The following KCNB2 variants were observed in gnomAD, a reference collection of about 807,000 sequenced individuals.
KCNB2 encodes potassium voltage-gated channel subfamily B member 2.
A neutral mutation model predicts 61.5 loss-of-function variants in KCNB2; 15 were observed. The ratio of observed to expected loss-of-function variants is 0.24; its 90% CI spans 0.16 to 0.38. The LOEUF (loss-of-function observed/expected upper bound fraction) is 0.38. Among genes scored for constraint, KCNB2 ranks in the 10% least tolerant of loss-of-function variants. KCNB2 has a pLI of 1.00. For synonymous variants in KCNB2, 457 were observed against 446.0 expected, an observed-to-expected ratio of 1.02 and a Z score of -0.31; for missense variants, 828 against 1,125.2, an observed-to-expected ratio of 0.74 and a Z score of 3.78.
intron 2 of KCNB2, among the ~76,000 whole-genome samples, chr8:72,786,131 A>G (rs1808842646): frequency 6.6e-6 from 1 of 152,030 alleles, no homozygotes; most frequent in African/African-American, 2.4e-5. Context: ...TTATAAAATT[A>G]TAAATTATAC....
chr8:72,638,683 A>G (rs1806007218), intron 2 of KCNB2, among the ~76,000 whole-genome samples: 1 of 152,114 alleles, frequency 6.6e-6, no homozygotes, highest in Non-Finnish European at 1.5e-5. Context: ...AGTCTCAATC[A>G]AGTCCTACTC....
At chr8:72,824,456 C>T (rs2129001363) in intron 2 of KCNB2, among the ~76,000 whole-genome samples, 1 of 152,188 alleles carries the variant, frequency 6.6e-6, no homozygotes, top group East Asian at 1.9e-4. Context: ...TCCCTCACCT[C>T]CCAGGCATCT....
At chr8:72,706,271 C>T (rs1807222029) in intron 2 of KCNB2, among the ~76,000 whole-genome samples, 1 of 152,136 alleles carries the variant, frequency 6.6e-6, no homozygotes, top group Non-Finnish European at 1.5e-5. Context: ...ATAATTGCTA[C>T]AAATAATTGT....
At chr8:72,852,737 C>T (rs182487056) in intron 2 of KCNB2, among the ~76,000 whole-genome samples, 1 of 68,248 alleles carries the variant, frequency 1.5e-5, no homozygotes, top group Admixed American at 1.6e-4. Context: ...TAACAGTGAG[C>T]AAGTACTGAA....
At chr8:72,824,092 G>A (rs769559138) in intron 2 of KCNB2, among the ~76,000 whole-genome samples, 1 of 152,114 alleles carries the variant, frequency 6.6e-6, no homozygotes, top group Admixed American at 6.5e-5. Context: ...CACTCAGAGG[G>A]AGCTATTTCA....
At chr8:72,543,987 T>G (rs780938011) in intron 1 of KCNB2, among the ~76,000 whole-genome samples, 1 of 152,184 alleles carries the variant, frequency 6.6e-6, no homozygotes, top group Non-Finnish European at 1.5e-5. Context: ...AATCAAACTA[T>G]GTAGTTTGCT....
intron 2 of KCNB2, among the ~76,000 whole-genome samples, chr8:72,882,428 C>CT (rs1176104120): frequency 1.3e-5 from 2 of 151,966 alleles, no homozygotes; most frequent in African/African-American, 4.8e-5. Flanking sequence ...TGCCATGGCT[C>CT]TTTCCAGCTC....
chr8:72,651,346 A>C (rs1354665608), intron 2 of KCNB2, among the ~76,000 whole-genome samples: 1 of 152,204 alleles, frequency 6.6e-6, no homozygotes, highest in African/African-American at 2.4e-5. Context: ...ACAGAGGAAT[A>C]ATAAGCAATT....
chr8:72,731,967 G>A (rs956320713), intron 2 of KCNB2: 4 of 152,178 alleles, frequency 2.6e-5, no homozygotes, highest in African/African-American at 9.7e-5. Context: ...GCACCCATGA[G>A]TTTAGCTAAT....
chr8:72,783,923 G>T (rs1210411950), intron 2 of KCNB2, among the ~76,000 whole-genome samples: 1 of 151,974 alleles, frequency 6.6e-6, no homozygotes, highest in Non-Finnish European at 1.5e-5. Flanking sequence ...GTTGTTTTCT[G>T]GTTAAATCCT....
At chr8:72,712,044 T>C (rs922684200) in intron 2 of KCNB2, among the ~76,000 whole-genome samples, 2 of 152,198 alleles carry the variant, frequency 1.3e-5, no homozygotes, top group Admixed American at 6.5e-5. Context: ...GATTACTTAT[T>C]TAATATGTTA....
At chr8:72,540,896 T>C (rs1806179675) in intron 1 of KCNB2, among the ~76,000 whole-genome samples, 1 of 152,022 alleles carries the variant, frequency 6.6e-6, no homozygotes, top group Admixed American at 6.6e-5. Flanking sequence ...AATTCATTTA[T>C]TACTTACTAA....
intron 2 of KCNB2, among the ~76,000 whole-genome samples, chr8:72,766,844 C>T (rs1335580329): frequency 6.6e-6 from 1 of 152,002 alleles, no homozygotes; most frequent in African/African-American, 2.4e-5. Context: ...ATTTTCATGC[C>T]ATTGATAAAG....
intron 2 of KCNB2, among the ~76,000 whole-genome samples, chr8:72,707,634 A>G (rs962079555): frequency 6.6e-6 from 1 of 152,200 alleles, no homozygotes; most frequent in African/African-American, 2.4e-5. Context: ...TTCAACACCC[A>G]TAAAGAGGCT....
chr8:72,627,976 C>T (rs1267476138), intron 2 of KCNB2, among the ~76,000 whole-genome samples: 1 of 151,686 alleles, frequency 6.6e-6, no homozygotes, highest in Non-Finnish European at 1.5e-5. Flanking sequence ...TTCTTTGAGA[C>T]AGAGTCTTGC....
rs757776992 is a variant in KCNB2 at position 72,937,008 on chromosome 8, G to A, written c.1653G>A (p.Gln551=). 1 of 1,614,146 alleles carries A rather than the reference G, an allele frequency of 6.2e-7. No individual in the cohort carries two copies. Among genetic ancestry groups the A allele is most frequent in the East Asian group, 2.2e-5 (1 of 44,874 alleles). The change falls in exon 3 of 3, where the codon CAG becomes CAA. Residue 551 remains glutamine, a synonymous_variant. Coordinates refer to ENST00000523207, the MANE Select transcript of KCNB2 (RefSeq NM_004770.3). ...EMLYNEITKT[Q]PHSHPNPDCQ... Reference sequence around the variant, plus strand: ...TATACAATGAAATCACCAAGACACAGCCTCATTCTCACCCAAACCCAGACT... The same window carrying A: ...TATACAATGAAATCACCAAGACACAACCTCATTCTCACCCAAACCCAGACT...
At chr8:72,585,058 G>T (rs1348634679) in intron 2 of KCNB2, among the ~76,000 whole-genome samples, 7 of 152,172 alleles carry the variant, frequency 4.6e-5, no homozygotes, top group African/African-American at 1.4e-4. Context: ...CTAAGGTAGG[G>T]TGGTCATGAT....
chr8:72,624,527 T>G (rs7815263), intron 2 of KCNB2, among the ~76,000 whole-genome samples: 30,379 of 150,028 alleles, frequency 0.2, 3,485 homozygotes, highest in East Asian at 0.51. Flanking sequence ...GAGATATGGG[T>G]TTTTTTTTTC....
intron 2 of KCNB2, among the ~76,000 whole-genome samples, chr8:72,772,491 C>T (rs1363237643): frequency 1.3e-5 from 2 of 152,138 alleles, no homozygotes; most frequent in African/African-American, 2.4e-5. Flanking sequence ...TGAGGAATCC[C>T]GAGATGAAAA....
Sources: allele counts gnomAD v4.1 joint callset (sites outside exome capture counted in the v4.1 genomes callset), GRCh38; gene constraint gnomAD v4.1.1; transcripts MANE v1.5; gene names NCBI Gene and HGNC (gene_info 2026-07-23, HGNC 2026-07-21).